CLVS1: variants seen among roughly 807,000 people sequenced by gnomAD.
CLVS1 encodes clavesin 1, also known as clavesin-1.
A neutral mutation model predicts 33.1 loss-of-function variants in CLVS1; 10 were observed. The ratio of observed to expected loss-of-function variants is 0.30; its 90% CI spans 0.19 to 0.51. The LOEUF (loss-of-function observed/expected upper bound fraction) is 0.51, where lower values mean the gene tolerates loss of function less well. Ranked by LOEUF, CLVS1 falls within the 20% of genes least tolerant of loss-of-function variation. CLVS1 has a pLI of 0.97. For synonymous variants in CLVS1, 163 were observed against 166.1 expected (o/e 0.98, Z 0.14); for missense variants, 343 against 433.4 (o/e 0.79, Z 1.85).
At chr8:61,157,653 T>C (rs937499979) in intron 2 of CLVS1, among the ~76,000 whole-genome samples, 5 of 151,498 alleles carry the variant, frequency 3.3e-5, no homozygotes, top group African/African-American at 1.2e-4. Flanking sequence ...AACACATATA[T>C]ATGACAAATG....
At chr8:61,302,578 C>A (rs971189021) in intron 2 of CLVS1, among the ~76,000 whole-genome samples, 6 of 152,172 alleles carry the variant, frequency 3.9e-5, no homozygotes, top group Admixed American at 1.3e-4. Flanking sequence ...CTGAGATACA[C>A]AATTCATTGG....
chr8:61,266,518 A>T (rs1459366553), intron 2 of CLVS1, among the ~76,000 whole-genome samples: 1 of 152,054 alleles, frequency 6.6e-6, no homozygotes, highest in Non-Finnish European at 1.5e-5. Flanking sequence ...CTATCATCCA[A>T]TCATGCCACC....
intron 2 of CLVS1, among the ~76,000 whole-genome samples, chr8:61,361,919 AATAGG>A (rs1204368890): frequency 6.6e-6 from 1 of 152,208 alleles, no homozygotes; most frequent in Non-Finnish European, 1.5e-5. Context: ...CTCCAAATAC[AATAGG>A]AACAAATGAG....
At chr8:61,049,703 A>G in the CLVS1 span, among the ~76,000 whole-genome samples, 2 of 152,254 alleles carry the variant, frequency 1.3e-5, no homozygotes, top group Admixed American at 6.5e-5. Context: ...AAGGTGTACA[A>G]TTTAAAGGAT....
chr8:61,461,056 A>G (rs1258156980), intron 5 of CLVS1, among the ~76,000 whole-genome samples: 2 of 152,222 alleles, frequency 1.3e-5, no homozygotes, highest in Non-Finnish European at 2.9e-5. Flanking sequence ...AAGCTGAACC[A>G]GTTGAGGTGT....
intron 5 of CLVS1, among the ~76,000 whole-genome samples, chr8:61,493,294 T>C (rs1406984275): frequency 6.6e-6 from 1 of 152,218 alleles, no homozygotes; most frequent in East Asian, 1.9e-4. Context: ...CATGGAAATT[T>C]TGAGTTTGAT....
At chr8:61,036,106 T>C in the CLVS1 span, among the ~76,000 whole-genome samples, 3 of 152,300 alleles carry the variant, frequency 2.0e-5, no homozygotes, top group South Asian at 4.1e-4. Context: ...CATTAAAGCA[T>C]TTGTATTGGC....
intron 2 of CLVS1, among the ~76,000 whole-genome samples, chr8:61,147,170 G>A (rs1027638449): frequency 2.6e-5 from 4 of 152,206 alleles, no homozygotes; most frequent in African/African-American, 9.7e-5. Context: ...TGATGCTTCA[G>A]CCTGAGGGAG....
At chr8:61,457,697 A>G (rs935985436) in intron 4 of CLVS1, among the ~76,000 whole-genome samples, 2 of 152,166 alleles carry the variant, frequency 1.3e-5, no homozygotes, top group East Asian at 1.9e-4. Context: ...GGAGTAAGAA[A>G]ACACCAACTT....
At chr8:61,003,520 C>T in the CLVS1 span, among the ~76,000 whole-genome samples, 1 of 152,122 alleles carries the variant, frequency 6.6e-6, no homozygotes, top group Non-Finnish European at 1.5e-5. Context: ...TGCAGGAAGC[C>T]ACTGCAAGGA....
intron 2 of CLVS1, among the ~76,000 whole-genome samples, chr8:61,260,325 G>A (rs762890248): frequency 1.3e-5 from 2 of 152,210 alleles, no homozygotes; most frequent in African/African-American, 4.8e-5. Flanking sequence ...TATAACATCT[G>A]AAAGTGCAGG....
chr8:61,355,596 G>C (rs559358568), intron 2 of CLVS1, among the ~76,000 whole-genome samples: 29 of 152,202 alleles, frequency 1.9e-4, no homozygotes, highest in African/African-American at 7.0e-4. Context: ...CCCAGAGCCT[G>C]ATGTTCCCTT....
intron 2 of CLVS1, among the ~76,000 whole-genome samples, chr8:61,316,690 C>T (rs190404353): frequency 2.3e-4 from 35 of 152,158 alleles, no homozygotes; most frequent in African/African-American, 8.4e-4. Flanking sequence ...ATATATTTTG[C>T]TCTCTCACAC....
intron 1 of CLVS1, among the ~76,000 whole-genome samples, chr8:61,094,774 C>G (rs1384709333): frequency 6.6e-6 from 1 of 152,174 alleles, no homozygotes; most frequent in Admixed American, 6.5e-5. Context: ...AGAGAGGCCT[C>G]AGATAAATGA....
intron 3 of CLVS1, among the ~76,000 whole-genome samples, chr8:61,424,134 C>T (rs1477380373): frequency 6.6e-6 from 1 of 152,168 alleles, no homozygotes; most frequent in Non-Finnish European, 1.5e-5. Flanking sequence ...CTCATTAGCT[C>T]CTGTATTTTT....
chr8:60,971,657 C>T, the CLVS1 span, among the ~76,000 whole-genome samples: 2 of 152,110 alleles, frequency 1.3e-5, no homozygotes, highest in Admixed American at 1.3e-4. Context: ...AAATGAGCCT[C>T]TCAGCAGGGT....
intron 2 of CLVS1, among the ~76,000 whole-genome samples, chr8:61,233,783 T>C (rs1330601358): frequency 2.0e-5 from 3 of 152,240 alleles, no homozygotes; most frequent in Non-Finnish European, 4.4e-5. Context: ...ACATCCTTGA[T>C]GCATGGGCTT....
chr8:61,084,159 G>A (rs142444948), intron 1 of CLVS1, among the ~76,000 whole-genome samples: 141 of 152,286 alleles, frequency 9.3e-4, no homozygotes, highest in African/African-American at 3.2e-3. Context: ...AAAGATATTG[G>A]TGAATTTTCA....
chr8:61,297,551 A>T (rs758659976), intron 1 of CLVS1, among the ~76,000 whole-genome samples: 2 of 152,188 alleles, frequency 1.3e-5, no homozygotes, highest in Admixed American at 6.5e-5. Flanking sequence ...GAGCAAATTC[A>T]GGATAAGGAA....
Sources: gnomAD v4.1 joint callset for allele counts (sites outside exome capture counted in the v4.1 genomes callset) on GRCh38, gnomAD v4.1.1 for gene constraint, MANE v1.5 for transcripts, NCBI Gene and HGNC (gene_info 2026-07-23, HGNC 2026-07-21) for gene names.